FBXO34: variants seen among roughly 807,000 people sequenced by gnomAD.
FBXO34 encodes F-box only protein 34.
FBXO34 carries 12 observed loss-of-function variants against 24.5 expected under a neutral mutation model. That is an observed-to-expected ratio of 0.49 (90% CI 0.31 to 0.79). FBXO34 has a LOEUF of 0.79. Among genes scored for constraint, FBXO34 ranks in the 30% least tolerant of loss-of-function variants. FBXO34 has a pLI of 0.04. For missense variants in FBXO34, 823 were observed against 857.7 expected, an observed-to-expected ratio of 0.96 and a Z score of 0.51; for synonymous variants, 320 against 311.9, an observed-to-expected ratio of 1.03 and a Z score of -0.27.
At chr14:55,414,360 G>C in the FBXO34 span, 1 of 1,564,794 alleles carries the variant, frequency 6.4e-7, no homozygotes, top group Non-Finnish European at 8.7e-7. Context: ...AGAATAATGT[G>C]AGATGCTGAA....
the FBXO34 span, among the ~76,000 whole-genome samples, chr14:55,436,354 C>T: frequency 2.0e-4 from 30 of 152,216 alleles, no homozygotes; most frequent in African/African-American, 5.1e-4. Context: ...AAGTCCCCTC[C>T]GCCCACCTTA....
intron 1 of FBXO34, among the ~76,000 whole-genome samples, chr14:55,276,356 T>C (rs915854395): frequency 1.3e-5 from 2 of 152,244 alleles, no homozygotes; most frequent in African/African-American, 4.8e-5. Flanking sequence ...TAGTCATATT[T>C]TGGTGTATTT....
chr14:55,332,388 A>C (rs1209347117), intron 1 of FBXO34, among the ~76,000 whole-genome samples: 2 of 152,126 alleles, frequency 1.3e-5, no homozygotes, highest in African/African-American at 4.8e-5. Flanking sequence ...TGTAAAAATG[A>C]ACTGATTTTT....
At chr14:55,394,112 T>A in the FBXO34 span, among the ~76,000 whole-genome samples, 16 of 151,882 alleles carry the variant, frequency 1.1e-4, no homozygotes, top group African/African-American at 3.6e-4. Context: ...GTTCAAGTGA[T>A]TCTCCTGCCA....
rs1275255315 is a variant in FBXO34, at chr14:55,351,932, T to C, written c.1542T>C (p.Ala514=). ...CAGAGGCCAGCCAGCTTGAAGATGC[T>C]GCTGGGGGTGACAGTGCATCTGAGG... ...ESSEASQLED[A]AGGDSASEEK... Residue 514 remains alanine, a synonymous_variant, in exon 2 of 2, where the codon GCT becomes GCC. Transcript: ENST00000313833. The C allele has an allele frequency of 1.2e-6, 2 of 1,614,102 alleles. No homozygotes were observed. The highest frequency in any genetic ancestry group is 1.3e-5 in the African/African-American group (1 of 74,932).
downstream of FBXO34, among the ~76,000 whole-genome samples, chr14:55,355,985 G>C (rs1363920347): frequency 6.6e-6 from 1 of 152,182 alleles, no homozygotes; most frequent in Non-Finnish European, 1.5e-5. Context: ...GCAGCTATGT[G>C]GGGTTTGCTC....
chr14:55,430,474 A>G, the FBXO34 span, among the ~76,000 whole-genome samples: 1 of 151,018 alleles, frequency 6.6e-6, no homozygotes, highest in Non-Finnish European at 1.5e-5. Context: ...TGGCATGATC[A>G]TAGCTCACTG....
downstream of FBXO34, chr14:55,366,847 A>G (rs982597488): frequency 5.2e-5 from 8 of 152,630 alleles, no homozygotes; most frequent in African/African-American, 1.9e-4. Context: ...CACCTACATG[A>G]AAGATTTTAA....
chr14:55,381,803 T>C, the FBXO34 span, among the ~76,000 whole-genome samples: 1 of 152,172 alleles, frequency 6.6e-6, no homozygotes, highest in Admixed American at 6.5e-5. Context: ...TCTGGGGTGA[T>C]CAAAATGTTT....
At chr14:55,421,535 C>A in the FBXO34 span, among the ~76,000 whole-genome samples, 8 of 152,198 alleles carry the variant, frequency 5.3e-5, no homozygotes, top group Non-Finnish European at 2.9e-5. Context: ...GCGAACTTGG[C>A]TCACTGCAGC....
intron 1 of FBXO34, among the ~76,000 whole-genome samples, chr14:55,320,200 C>T (rs539536739): frequency 2.0e-4 from 30 of 152,282 alleles, no homozygotes; most frequent in African/African-American, 6.7e-4. Context: ...GGAAATCTAC[C>T]AGCAAGGAGG....
chr14:55,308,473 T>C (rs1882628107), intron 1 of FBXO34, among the ~76,000 whole-genome samples: 1 of 152,252 alleles, frequency 6.6e-6, no homozygotes, highest in Non-Finnish European at 1.5e-5. Flanking sequence ...TTGGTTTTCA[T>C]GTTAAGGTTC....
the FBXO34 span, among the ~76,000 whole-genome samples, chr14:55,387,756 C>T: frequency 1.3e-3 from 201 of 152,140 alleles, 2 homozygotes; most frequent in Middle Eastern, 3.4e-3. Flanking sequence ...GCAACCTCCG[C>T]CTCCCGGGTT....
At chr14:55,371,095 G>A (rs895292232), downstream of FBXO34, among the ~76,000 whole-genome samples, 8 of 152,162 alleles carry the variant, frequency 5.3e-5, no homozygotes, top group Non-Finnish European at 1.2e-4. Flanking sequence ...CCAAGGTGCC[G>A]CTCTCTCCCT....
At chr14:55,394,862 A>G in the FBXO34 span, 3 of 341,832 alleles carry the variant, frequency 8.8e-6, no homozygotes, top group Admixed American at 3.9e-5. Flanking sequence ...CTGACACCCA[A>G]GACAGTAAAA....
intron 1 of FBXO34, among the ~76,000 whole-genome samples, chr14:55,338,950 C>G (rs1156819133): frequency 6.6e-6 from 1 of 151,228 alleles, no homozygotes; most frequent in Non-Finnish European, 1.5e-5. Flanking sequence ...AAAAACCCCC[C>G]AAAAAAACCA....
the FBXO34 span, among the ~76,000 whole-genome samples, chr14:55,392,832 G>A: frequency 2.4e-4 from 37 of 152,126 alleles, no homozygotes; most frequent in Non-Finnish European, 2.9e-5. Context: ...TATGGTGAGC[G>A]AAACTCTAAC....
intron 1 of FBXO34, among the ~76,000 whole-genome samples, chr14:55,320,651 G>T (rs1317530896): frequency 1.3e-5 from 2 of 152,158 alleles, no homozygotes; most frequent in Non-Finnish European, 2.9e-5. Context: ...CCAGCTACCC[G>T]GGAGGCTGAG....
chr14:55,422,254 C>T, the FBXO34 span, among the ~76,000 whole-genome samples: 4 of 152,166 alleles, frequency 2.6e-5, no homozygotes, highest in African/African-American at 9.7e-5. Context: ...ATAAACTTGG[C>T]ATTCATTATG....
Sources: allele counts gnomAD v4.1 joint callset (sites outside exome capture counted in the v4.1 genomes callset), GRCh38; gene constraint gnomAD v4.1.1; transcripts MANE v1.5; gene names NCBI Gene and HGNC (gene_info 2026-07-23, HGNC 2026-07-21).